AK5: variants seen among roughly 807,000 people sequenced by gnomAD.
AK5 encodes adenylate kinase isoenzyme 5.
AK5 carries 27 observed loss-of-function variants against 69.5 expected under a neutral mutation model. The ratio of observed to expected loss-of-function variants is 0.39; its 90% CI spans 0.29 to 0.54. AK5 has a LOEUF of 0.54. Among genes scored for constraint, AK5 ranks in the 20% least tolerant of loss-of-function variants. The pLI is 0.71. For missense variants in AK5, 531 were observed against 700.4 expected, an observed-to-expected ratio of 0.76 and a Z score of 2.73; for synonymous variants, 260 against 244.4, an observed-to-expected ratio of 1.06 and a Z score of -0.60.
At chr1:77,369,290 C>G (rs2100470493) in intron 6 of AK5, among the ~76,000 whole-genome samples, 1 of 152,212 alleles carries the variant, frequency 6.6e-6, no homozygotes, top group South Asian at 2.1e-4. Context: ...TGTGCTCTCC[C>G]CAGTCCACAA....
At position 77,508,964 on chromosome 1, in the gene AK5, A is replaced by G. The variant is rs572744223; in HGVS notation, c.1148-9600A>G. On this transcript the variant is annotated intron_variant, in intron 10 of 13. Transcript: ENST00000354567. The stretch of plus-strand genomic sequence containing the variant: ...AAGCTGGGATATTTAAGAAAGTAAT[A>G]CAATCTAACACAGGAAGCCACTCAT... 7.9e-5 allele frequency among the ~76,000 whole-genome samples: 12 copies of G among 152,272 alleles called. No individual in the cohort carries two copies. In the East Asian group the frequency reaches 2.3e-3, roughly 29 times the overall value.
rs548248657 is a variant in AK5, at chr1:77,486,222, G to C, written c.1103-86G>C. 1,217 of 858,250 alleles carry C rather than the reference G, an allele frequency of 1.4e-3. 3 individuals are homozygous for C. The highest frequency in any genetic ancestry group is 1.8e-3 in the Non-Finnish European group (957 of 541,066). 53.2% of individuals were successfully genotyped at this position (858,250 alleles called of 1,614,324 possible). On this transcript the variant is annotated intron_variant, in intron 9 of 13. Transcript: ENST00000354567. ...AGCTTTTTATCAAATAAAACTACAA[G>C]GTTTGGGTTTTTATATAATATGAGT...
At chr1:77,347,620 T>A (rs1189640669) in intron 6 of AK5, among the ~76,000 whole-genome samples, 1 of 152,184 alleles carries the variant, frequency 6.6e-6, no homozygotes. Flanking sequence ...AATACCGTGA[T>A]CACAATTTCT....
intron 8 of AK5, among the ~76,000 whole-genome samples, chr1:77,441,313 G>A (rs1287182470): frequency 3.3e-5 from 5 of 151,810 alleles, no homozygotes; most frequent in African/African-American, 9.7e-5. Context: ...TTTTATTGGG[G>A]TCTCTTACTA....
At chr1:77,442,040 T>C (rs1652363583) in intron 8 of AK5, among the ~76,000 whole-genome samples, 1 of 151,810 alleles carries the variant, frequency 6.6e-6, no homozygotes, top group South Asian at 2.1e-4. Context: ...ACTCTGGAGG[T>C]TTTAGCCCAG....
intron 6 of AK5, among the ~76,000 whole-genome samples, chr1:77,346,545 G>T (rs1460302523): frequency 6.6e-6 from 1 of 152,164 alleles, no homozygotes; most frequent in Non-Finnish European, 1.5e-5. Flanking sequence ...TGCCCAGGCT[G>T]AAGTGCAGTG....
chr1:77,342,105 G>A (rs1661685780), intron 6 of AK5, among the ~76,000 whole-genome samples: 2 of 152,028 alleles, frequency 1.3e-5, no homozygotes, highest in Admixed American at 1.3e-4. Flanking sequence ...TCACCATGTT[G>A]GCCAGGCTGG....
Position 77,535,920 on chromosome 1 carries a change from G to GCCGGAGCA in AK5, c.1503_1510dup (p.Ser504ThrfsTer18). 6.2e-7 allele frequency: 1 copy of GCCGGAGCA among 1,613,942 alleles called. No individual in the cohort carries two copies. Reference sequence around the variant, plus strand: ...ATGACCAACCGCCTTCTCCAAAGGAGCCGGAGCAGCCTGCCTGTGGACGAC... The same window carrying GCCGGAGCA: ...ATGACCAACCGCCTTCTCCAAAGGAGCCGGAGCACCGGAGCAGCCTGCCTGTGGACGAC... On this transcript the variant is annotated frameshift_variant, in exon 13 of 14. Coordinates refer to ENST00000354567, the MANE Select transcript of AK5 (RefSeq NM_174858.3). LOFTEE classifies it high-confidence loss of function.
At chr1:77,323,187 T>C (rs919615215) in intron 5 of AK5, among the ~76,000 whole-genome samples, 2 of 152,112 alleles carry the variant, frequency 1.3e-5, no homozygotes, top group Admixed American at 1.3e-4. Context: ...AGACAGAGTT[T>C]CGCCATGTTG....
In AK5 at chr1:77,396,125, ATTC is replaced by A. The variant is rs146458990; in HGVS notation, c.892-14851_892-14849del. ...TACATGTTGCTTCCTGTCAAAGCCA[ATTC>A]TTCTGCCATTTTAGTGGAAGAATAA... On this transcript the variant is annotated intron_variant, in intron 6 of 13. Coordinates refer to ENST00000354567, the MANE Select transcript of AK5 (RefSeq NM_174858.3). Among the ~76,000 whole-genome samples, 1,233 of 152,308 alleles carry A rather than the reference ATTC, an allele frequency of 8.1e-3. 18 individuals carry two copies. Among genetic ancestry groups the A allele is most frequent in the African/African-American group, 0.028 (1,144 of 41,554 alleles).
intron 13 of AK5, among the ~76,000 whole-genome samples, chr1:77,536,455 A>G (rs763519392): frequency 6.6e-6 from 1 of 152,230 alleles, no homozygotes; most frequent in Non-Finnish European, 1.5e-5. Flanking sequence ...CCCTGTCTCA[A>G]AGAAAACAAC....
chr1:77,284,578 T>G (rs568740030), intron 1 of AK5, among the ~76,000 whole-genome samples: 2 of 152,254 alleles, frequency 1.3e-5, no homozygotes, highest in Non-Finnish European at 2.9e-5. Flanking sequence ...AGTTTTAGAC[T>G]TTTTTAAACC....
intron 13 of AK5, among the ~76,000 whole-genome samples, chr1:77,539,119 G>A (rs528268091): frequency 1.6e-4 from 25 of 152,330 alleles, no homozygotes; most frequent in East Asian, 1.9e-4. Context: ...TCAGCTGCTG[G>A]AACTACCAAA....
In AK5 at chr1:77,391,394, T is replaced by A. The variant is rs921330407; in HGVS notation, c.892-19587T>A. 1.3e-3 allele frequency among the ~76,000 whole-genome samples: 182 copies of A among 138,064 alleles called. 1 individual carries two copies. The highest frequency in any genetic ancestry group is 3.9e-3 in the Middle Eastern group (1 of 256). The allele number at this position is 138,064 out of a possible 152,430, so 90.6% of individuals were successfully genotyped here. On this transcript the variant is annotated intron_variant, in intron 6 of 13. Coordinates refer to ENST00000354567, the MANE Select transcript of AK5 (RefSeq NM_174858.3). ...AGTACTTTATGCAAAAAAAAAAATATATATATATATACACACACATATATA... is the reference window on the plus strand; with the variant it reads ...AGTACTTTATGCAAAAAAAAAAATAAATATATATATACACACACATATATA...
intron 12 of AK5, among the ~76,000 whole-genome samples, chr1:77,527,008 C>G (rs1042603976): frequency 3.3e-5 from 5 of 152,120 alleles, no homozygotes; most frequent in African/African-American, 1.2e-4. Context: ...TGAGCAATGA[C>G]AACCCTGGAC....
chr1:77,326,778 C>T (rs1205004464), intron 5 of AK5, among the ~76,000 whole-genome samples: 2 of 152,048 alleles, frequency 1.3e-5, no homozygotes, highest in Non-Finnish European at 2.9e-5. Context: ...GTAGGTAGAT[C>T]AAGGAGAAAT....
chr1:77,479,798 G>A (rs1000081071), intron 8 of AK5, among the ~76,000 whole-genome samples: 1 of 152,144 alleles, frequency 6.6e-6, no homozygotes. Context: ...GACAAAGGGT[G>A]GACTAGATGG....
intron 8 of AK5, among the ~76,000 whole-genome samples, chr1:77,468,282 G>A (rs574810732): frequency 6.6e-6 from 1 of 152,328 alleles, no homozygotes; most frequent in South Asian, 2.1e-4. Flanking sequence ...TTCACCTCAA[G>A]TCAGGCCACT....
intron 8 of AK5, among the ~76,000 whole-genome samples, chr1:77,454,460 A>T (rs907656582): frequency 2.6e-5 from 4 of 152,186 alleles, no homozygotes; most frequent in Admixed American, 1.3e-4. Flanking sequence ...ATATCTAGCT[A>T]GCTTTATTTC....
Sources: allele counts gnomAD v4.1 joint callset (sites outside exome capture counted in the v4.1 genomes callset), GRCh38; gene constraint gnomAD v4.1.1; transcripts MANE v1.5; gene names NCBI Gene and HGNC (gene_info 2026-07-23, HGNC 2026-07-21).